ARFGEF3: variants seen among roughly 807,000 people sequenced by gnomAD.
The protein encoded by ARFGEF3 is ARFGEF family member 3, also known as brefeldin A-inhibited guanine nucleotide-exchange protein 3.
In ARFGEF3, 96 loss-of-function variants were observed where a neutral mutation model predicts 221.7. That is an observed-to-expected ratio of 0.43 (90% confidence interval 0.37 to 0.51). The LOEUF is 0.51. Ranked by LOEUF, ARFGEF3 falls within the 20% of genes least tolerant of loss-of-function variation. The pLI is 0.00. For synonymous variants in ARFGEF3, 1,145 were observed against 1,126.8 expected (o/e 1.02, Z -0.32); for missense variants, 2,410 against 2,789.9 (o/e 0.86, Z 3.07).
At position 138,291,835 on chromosome 6, in the gene ARFGEF3, T is replaced by C; in HGVS notation, c.3150T>C (p.Ala1050=). The change falls in exon 19 of 34, where the codon GCT becomes GCC. Residue 1050 remains alanine, a synonymous_variant. Coordinates refer to ENST00000251691, the MANE Select transcript of ARFGEF3 (RefSeq NM_020340.5). This position sits in a 1 kb window ranked among gnomAD's most constrained non-coding sequence, Gnocchi z 4.5. ...AGCCCCAGAAGGCCACTGGAAGCGC[T>C]GGCCTCCTTGGGGACCCCGAGTGTG... ...ISQPQKATGS[A]GLLGDPECEG... 6.7e-7 allele frequency: 1 copy of C among 1,498,534 alleles called. No individual in the cohort carries two copies. The highest frequency in any genetic ancestry group is 1.3e-5 in the South Asian group (1 of 76,122). 92.8% of individuals were successfully genotyped at this position (1,498,534 alleles called of 1,614,324 possible).
intron 5 of ARFGEF3, among the ~76,000 whole-genome samples, chr6:138,231,682 T>C (rs997290994): frequency 1.3e-5 from 2 of 152,196 alleles, no homozygotes; most frequent in Admixed American, 6.5e-5. Flanking sequence ...CCTGTGGAAA[T>C]GTAAAGAAGG....
In ARFGEF3 at chr6:138,323,635, CAAA is replaced by C. The variant is rs370204274; in HGVS notation, c.4767-28_4767-26del. The C allele has an allele frequency of 1.2e-3, 1,466 of 1,273,916 alleles. 13 individuals carry two copies. The African/African-American group carries it at 0.021, about 18-fold the overall frequency. The allele number at this position is 1,273,916 out of a possible 1,614,324, so 78.9% of individuals were successfully genotyped here. A position where few individuals can be genotyped will look rare whatever the true frequency, so the allele number is the denominator to read the frequency against. On this transcript the variant is annotated intron_variant, in intron 29 of 33. Coordinates refer to ENST00000251691, the MANE Select transcript of ARFGEF3 (RefSeq NM_020340.5). ...TGAAAAAAACAAACAACAACAACAA[CAAA>C]AAAAAAACTCCTTTACTTGTTTCTT...
At chr6:138,265,041 C>G (rs1482317207) in intron 12 of ARFGEF3, among the ~76,000 whole-genome samples, 1 of 151,704 alleles carries the variant, frequency 6.6e-6, no homozygotes, top group African/African-American at 2.4e-5. Flanking sequence ...GTAGCTGGGA[C>G]TACAGGCGCC....
chr6:138,234,718 C>T (rs1259161618), intron 5 of ARFGEF3, among the ~76,000 whole-genome samples: 1 of 152,114 alleles, frequency 6.6e-6, no homozygotes, highest in Non-Finnish European at 1.5e-5. Context: ...AGAAGACATT[C>T]CTTCTGCTTT....
intron 5 of ARFGEF3, 72 bp downstream of exon 5, chr6:138,229,924 G>C (rs763188674): frequency 6.4e-6 from 8 of 1,251,358 alleles, no homozygotes; most frequent in Non-Finnish European, 9.3e-6. Flanking sequence ...TATTGGGGTG[G>C]AACTAAGCCC....
At chr6:138,164,398 C>A (rs1435111383) in intron 1 of ARFGEF3, among the ~76,000 whole-genome samples, 1 of 152,216 alleles carries the variant, frequency 6.6e-6, no homozygotes, top group Non-Finnish European at 1.5e-5. Context: ...TTTGCTCTTG[C>A]TAGTCCTTCT....
chr6:138,229,656 G>C (rs1583022978), intron 4 of ARFGEF3, 128 bp from the exon 5 acceptor site: 1 of 710,366 alleles, frequency 1.4e-6, no homozygotes, highest in Non-Finnish European at 2.5e-6. Context: ...GGGATATAAA[G>C]AAATATTAGG....
chr6:138,330,949 A>G (rs1780217116), intron 32 of ARFGEF3, among the ~76,000 whole-genome samples: 1 of 152,228 alleles, frequency 6.6e-6, no homozygotes, highest in African/African-American at 2.4e-5. Flanking sequence ...TATTTTATAT[A>G]CCAAAGATTG....
chr6:138,305,230 TC>T (rs1238940515), intron 22 of ARFGEF3, among the ~76,000 whole-genome samples: 1 of 151,922 alleles, frequency 6.6e-6, no homozygotes, highest in African/African-American at 2.4e-5. Flanking sequence ...GGCCTGCGTT[TC>T]TGTGATACCA....
intron 5 of ARFGEF3, among the ~76,000 whole-genome samples, chr6:138,234,933 A>G (rs1329537955): frequency 2.0e-5 from 3 of 152,214 alleles, no homozygotes; most frequent in Non-Finnish European, 4.4e-5. Flanking sequence ...AGTGAAGGTC[A>G]TATGTATTTT....
intron 27 of ARFGEF3, among the ~76,000 whole-genome samples, chr6:138,318,708 A>G (rs960578866): frequency 1.3e-5 from 2 of 152,194 alleles, no homozygotes; most frequent in Non-Finnish European, 2.9e-5. Flanking sequence ...TGTAATTTCC[A>G]TGTTTATTAT....
intron 14 of ARFGEF3, among the ~76,000 whole-genome samples, chr6:138,282,520 G>A (rs1030748427): frequency 6.6e-6 from 1 of 152,206 alleles, no homozygotes; most frequent in African/African-American, 2.4e-5. Flanking sequence ...ACCCAGCCAT[G>A]TAGAATTCGG....
intron 8 of ARFGEF3, among the ~76,000 whole-genome samples, chr6:138,250,641 G>A (rs991654385): frequency 3.9e-5 from 6 of 152,220 alleles, no homozygotes; most frequent in African/African-American, 1.4e-4. Flanking sequence ...AACGTGCTAG[G>A]CTGCCCTCCC....
intron 12 of ARFGEF3, among the ~76,000 whole-genome samples, chr6:138,273,641 T>C (rs1384959695): frequency 6.6e-6 from 1 of 152,146 alleles, no homozygotes; most frequent in Non-Finnish European, 1.5e-5. Context: ...TGCAAAAACC[T>C]GAAGTGTGGG....
chr6:138,223,977 G>A (rs897142044), intron 4 of ARFGEF3, among the ~76,000 whole-genome samples: 5 of 152,212 alleles, frequency 3.3e-5, no homozygotes, highest in Admixed American at 1.3e-4. Flanking sequence ...TACGCTGGAT[G>A]TGGCCTCTAG....
Position 138,278,385 on chromosome 6 carries a change from T to C in ARFGEF3, c.2129-66T>C, listed in dbSNP as rs1284437523. The C allele has an allele frequency of 4.0e-6, 6 of 1,491,244 alleles. No homozygotes were observed. In the East Asian group the frequency reaches 1.4e-4, roughly 34 times the overall value. The allele number at this position is 1,491,244 out of a possible 1,614,324, so 92.4% of individuals were successfully genotyped here. A position where few individuals can be genotyped will look rare whatever the true frequency, so the allele number is the denominator to read the frequency against. On this transcript the variant is annotated intron_variant, in intron 12 of 33. Coordinates refer to ENST00000251691, the MANE Select transcript of ARFGEF3 (RefSeq NM_020340.5). Reference sequence around the variant, plus strand: ...ATCTCTCACGATGGGTTCGCAGCTCTCTGGAAGCCAGCCTTGCCAAGCACA... The same window carrying C: ...ATCTCTCACGATGGGTTCGCAGCTCCCTGGAAGCCAGCCTTGCCAAGCACA...
intron 2 of ARFGEF3, among the ~76,000 whole-genome samples, chr6:138,174,522 A>G (rs1776900238): frequency 1.4e-5 from 2 of 141,354 alleles, no homozygotes. Flanking sequence ...GGCACTGTAA[A>G]TATTTGTCTG....
At chr6:138,213,205 A>G (rs1262044764) in intron 4 of ARFGEF3, among the ~76,000 whole-genome samples, 10 of 151,210 alleles carry the variant, frequency 6.6e-5, no homozygotes, top group Non-Finnish European at 1.2e-4. Flanking sequence ...GGAGAATGGC[A>G]TGAATCCGGG....
intron 1 of ARFGEF3, among the ~76,000 whole-genome samples, chr6:138,166,347 A>G (rs80006912): frequency 6.6e-6 from 1 of 152,216 alleles, no homozygotes; most frequent in African/African-American, 2.4e-5. Flanking sequence ...CTATCCGGAG[A>G]TAACACTGTT....
Sources: allele counts gnomAD v4.1 joint callset (sites outside exome capture counted in the v4.1 genomes callset), GRCh38; gene constraint gnomAD v4.1.1; non-coding constraint Gnocchi (gnomAD v3.1); transcripts MANE v1.5; gene names NCBI Gene and HGNC (gene_info 2026-07-23, HGNC 2026-07-21).